ZNF544: variants seen among roughly 807,000 people sequenced by gnomAD.
ZNF544 encodes the protein zinc finger protein AF020591.
In ZNF544, 10 loss-of-function variants were observed where a neutral mutation model predicts 13.5. The observed-to-expected ratio is 0.74, with a 90% CI of 0.46 to 1.25. The LOEUF (loss-of-function observed/expected upper bound fraction) is 1.25, where lower values mean the gene tolerates loss of function less well. Ranked by LOEUF, ZNF544 falls within the 50% of genes most tolerant of loss-of-function variation. The pLI is 0.00. For missense variants in ZNF544, 896 were observed against 845.6 expected (o/e 1.06, Z -0.74); for synonymous variants, 323 against 300.5 (o/e 1.07, Z -0.77).
At chr19:58,243,832 C>T (rs773235376) in intron 3 of ZNF544, 133 bp from the exon 4 acceptor site, 1 of 606,366 alleles carries the variant, frequency 1.6e-6, no homozygotes, top group Non-Finnish European at 2.6e-6. Flanking sequence ...TAGCCCAGGT[C>T]CCCAGGCGTG....
chr19:58,239,854 G>A (rs973260880), intron 3 of ZNF544, among the ~76,000 whole-genome samples: 1 of 150,946 alleles, frequency 6.6e-6, no homozygotes, highest in Non-Finnish European at 1.5e-5. Context: ...ACCCAAGATT[G>A]CGCCACTACA....
intron 3 of ZNF544, among the ~76,000 whole-genome samples, chr19:58,236,135 C>G (rs2042330256): frequency 6.6e-6 from 1 of 151,506 alleles, no homozygotes; most frequent in African/African-American, 2.4e-5. Context: ...TTTGGGAGGC[C>G]AAGGCAGGTG....
At chr19:58,238,697 T>A (rs1258549479) in intron 3 of ZNF544, among the ~76,000 whole-genome samples, 2 of 152,076 alleles carry the variant, frequency 1.3e-5, no homozygotes, top group African/African-American at 2.4e-5. Flanking sequence ...CTTCTCCTCC[T>A]CTGTCTCTGG....
rs1434177540 is a variant in ZNF544, at chr19:58,261,345, A to G, written c.739A>G (p.Ser247Gly). 1.2e-6 allele frequency: 2 copies of G among 1,614,200 alleles called. No individual in the cohort carries two copies. The highest frequency in any genetic ancestry group is 2.2e-5 in the East Asian group (1 of 44,892). Residue 247 changes from serine (S) to glycine (G), a missense_variant, in exon 7 of 7, where the codon AGT becomes GGT. By Grantham distance (56) the Ser-to-Gly change is moderately conservative. Transcript: ENST00000687789. ...GKKNPYEYIVSGDSLNYGSSL... is the reference protein window; with the variant it reads ...GKKNPYEYIVGGDSLNYGSSL... ...GAAAAACCCTTATGAATATATTGTC[A>G]GTGGTGACTCTCTCAACTATGGTTC...
At chr19:58,233,774 T>A (rs1228371839) in intron 3 of ZNF544, among the ~76,000 whole-genome samples, 1 of 152,176 alleles carries the variant, frequency 6.6e-6, no homozygotes, top group Admixed American at 6.5e-5. Context: ...GACTTAAATA[T>A]CTTTACTGTG....
chr19:58,254,106 C>T (rs1053783058), intron 6 of ZNF544, among the ~76,000 whole-genome samples: 4 of 152,052 alleles, frequency 2.6e-5, no homozygotes, highest in Admixed American at 6.5e-5. Flanking sequence ...CACCTGTAGT[C>T]CCAGCTACTT....
At chr19:58,272,871 T>A (rs1221666133) in intron 5 of ZNF544, among the ~76,000 whole-genome samples, 5 of 143,138 alleles carry the variant, frequency 3.5e-5, no homozygotes, top group South Asian at 2.2e-4. Flanking sequence ...AGTCTCCTTC[T>A]CAAAAAAAAA....
At position 58,261,059 on chromosome 19, in the gene ZNF544, T is replaced by A. The variant is rs2048830959; in HGVS notation, c.453T>A (p.Phe151Leu). Residue 151 changes from phenylalanine (F) to leucine (L), a missense_variant, in exon 7 of 7, where the codon TTT becomes TTA. Physicochemically the swap from Phe to Leu is conservative, Grantham distance 22 (BLOSUM62 0). Coordinates refer to ENST00000687789, the MANE Select transcript of ZNF544 (RefSeq NM_014480.4). ...RFMVLTSERL[F>L]AQREHCELEL... ...TGGTACTCACCTCAGAGAGACTGTT[T>A]GCTCAAAGGGAACATTGTGAGCTTG... The A allele has an allele frequency of 6.2e-7, 1 of 1,614,222 alleles. No homozygotes were observed. The highest frequency in any genetic ancestry group is 8.5e-7 in the Non-Finnish European group (1 of 1,180,036).
intron 3 of ZNF544, among the ~76,000 whole-genome samples, chr19:58,236,288 T>A (rs2042365328): frequency 6.6e-6 from 1 of 151,162 alleles, no homozygotes; most frequent in South Asian, 2.1e-4. Flanking sequence ...TCACCTGAGG[T>A]CGGGAGTTCA....
intron 6 of ZNF544, among the ~76,000 whole-genome samples, chr19:58,255,619 C>CAAAT (rs56868484): frequency 0.51 from 76,923 of 151,666 alleles, 19,671 homozygotes; most frequent in Middle Eastern, 0.62. Flanking sequence ...TTCAGACAGT[C>CAAAT]AAATCGAGTA....
intron 6 of ZNF544, among the ~76,000 whole-genome samples, chr19:58,252,099 T>C (rs2046385768): frequency 6.6e-6 from 1 of 152,200 alleles, no homozygotes; most frequent in South Asian, 2.1e-4. Flanking sequence ...CTTTTATCCT[T>C]TGCAAGCTGG....
intron 5 of ZNF544, among the ~76,000 whole-genome samples, chr19:58,273,836 G>A (rs2449636): frequency 0.28 from 42,921 of 150,748 alleles, 6,485 homozygotes; most frequent in East Asian, 0.51. Flanking sequence ...TTGCTCTGCC[G>A]CCAGGCTGGA....
intron 6 of ZNF544, among the ~76,000 whole-genome samples, chr19:58,252,674 C>T (rs962290566): frequency 1.3e-5 from 2 of 152,172 alleles, no homozygotes; most frequent in African/African-American, 4.8e-5. Flanking sequence ...AACTAGAATT[C>T]TTATCCTTAG....
Position 58,262,302 on chromosome 19 carries a change from C to T in ZNF544, c.1696C>T (p.His566Tyr), listed in dbSNP as rs138421149. The T allele has an allele frequency of 1.2e-6, 2 of 1,614,004 alleles. No homozygotes were observed. Among genetic ancestry groups the T allele is most frequent in the Non-Finnish European group, 1.7e-6 (2 of 1,180,024 alleles). ...CAGATGGAACTCTAACCTCGTCATA[C>T]ATCAGAGAATTCATACTGGAGAGAA... ...SFRWNSNLVI[H>Y]QRIHTGEKPY... Residue 566 changes from histidine to tyrosine, a missense_variant, in exon 7 of 7, where the codon CAT becomes TAT. Transcript: ENST00000687789.
intron 6 of ZNF544, 44 bp from the exon 7 acceptor site, chr19:58,260,805 CCT>C: frequency 1.3e-6 from 2 of 1,505,748 alleles, no homozygotes; most frequent in Middle Eastern, 2.0e-4. Context: ...TCCCCCTCCC[CCT>C]CTGATGCTTC....
At position 58,239,898 on chromosome 19, in the gene ZNF544, C is replaced by CAAA. The variant is rs58006684; in HGVS notation, c.-59-4053_-59-4051dup. Among the ~76,000 whole-genome samples, 20 of 127,302 alleles carry CAAA rather than the reference C, an allele frequency of 1.6e-4. 1 individual carries two copies. Among genetic ancestry groups the CAAA allele is most frequent in the Middle Eastern group, 8.4e-3 (2 of 238 alleles). The allele number at this position is 127,302 out of a possible 152,430, so 83.5% of individuals were successfully genotyped here. On this transcript the variant is annotated intron_variant, in intron 3 of 6. Transcript: ENST00000687789. ...TGGGCAACAGAGCAAGACTCCATCT[C>CAAA]AAAAAAAAAAAAAAAATTACAGTGG...
chr19:58,256,132 G>C (rs989970336), intron 6 of ZNF544, among the ~76,000 whole-genome samples: 3 of 152,146 alleles, frequency 2.0e-5, no homozygotes, highest in African/African-American at 7.2e-5. Flanking sequence ...GGGAAAAAGA[G>C]AGAGAGAAAA....
At chr19:58,240,068 G>C (rs1227501811) in intron 3 of ZNF544, among the ~76,000 whole-genome samples, 4 of 152,050 alleles carry the variant, frequency 2.6e-5, no homozygotes, top group Non-Finnish European at 5.9e-5. Context: ...TTGGTGCTTA[G>C]GTTTCTTTAT....
chr19:58,259,703 C>T (rs1215646964), intron 6 of ZNF544: 1 of 152,158 alleles, frequency 6.6e-6, no homozygotes, highest in Non-Finnish European at 1.5e-5. Flanking sequence ...TATAGGAACA[C>T]TTGTGATTAC....
Sources: gnomAD v4.1 joint callset for allele counts (sites outside exome capture counted in the v4.1 genomes callset) on GRCh38, gnomAD v4.1.1 for gene constraint, MANE v1.5 for transcripts, NCBI Gene and HGNC (gene_info 2026-07-23, HGNC 2026-07-21) for gene names.